Variants in PPM1D observed in about 807,000 individuals in gnomAD.
PPM1D encodes protein phosphatase, Mg2+/Mn2+ dependent 1D.
In PPM1D, 52 loss-of-function variants were observed where a neutral mutation model predicts 58.3. That is an observed-to-expected ratio of 0.89 (90% CI 0.71 to 1.12). The LOEUF (loss-of-function observed/expected upper bound fraction) is 1.12. Ranked by LOEUF, PPM1D falls within the 50% of genes most tolerant of loss-of-function variation. The pLI is 0.00. For synonymous variants in PPM1D, 278 were observed against 285.1 expected (o/e 0.98, Z 0.25); for missense variants, 564 against 777.2 (o/e 0.73, Z 3.26).
At chr17:60,655,308 T>G (rs530731178) in intron 4 of PPM1D, among the ~76,000 whole-genome samples, 1 of 151,198 alleles carries the variant, frequency 6.6e-6, no homozygotes, top group East Asian at 1.9e-4. Flanking sequence ...ATTGTCTTGT[T>G]TGTGAATTAT....
intron 3 of PPM1D, among the ~76,000 whole-genome samples, chr17:60,636,432 G>A (rs1475942279): frequency 6.6e-6 from 1 of 152,166 alleles, no homozygotes; most frequent in Non-Finnish European, 1.5e-5. Flanking sequence ...TACTTTCTAG[G>A]TTAGGGGAAA....
In PPM1D at chr17:60,639,184, C is replaced by T. The variant is rs573994366; in HGVS notation, c.826+5207C>T. 5.9e-5 allele frequency among the ~76,000 whole-genome samples: 9 copies of T among 152,098 alleles called. No individual in the cohort carries two copies. The South Asian group carries it at 6.2e-4, about 11-fold the overall frequency. On this transcript the variant is annotated intron_variant, in intron 3 of 5. Transcript: ENST00000305921. ...AGGCTGGAGTGCATTGGCACAATCT[C>T]GGCTCACTGTAACCTTTACTTCCCA...
intron 5 of PPM1D, chr17:60,657,161 G>C: frequency 9.6e-7 from 1 of 1,043,496 alleles, no homozygotes; most frequent in Non-Finnish European, 1.2e-6. Flanking sequence ...TCGTAGCCCA[G>C]AAGTAGAGCT....
chr17:60,632,609 C>T (rs1340857470), intron 2 of PPM1D, among the ~76,000 whole-genome samples: 1 of 152,076 alleles, frequency 6.6e-6, no homozygotes, highest in Non-Finnish European at 1.5e-5. Context: ...CCTGTAATCC[C>T]AGCACTTTGG....
intron 3 of PPM1D, among the ~76,000 whole-genome samples, chr17:60,636,819 G>T (rs2031031188): frequency 6.6e-6 from 1 of 151,954 alleles, no homozygotes. Flanking sequence ...GGGGCTACAG[G>T]TGCATGCCAT....
At chr17:60,621,247 T>C (rs184256652) in intron 1 of PPM1D, among the ~76,000 whole-genome samples, 121 of 152,330 alleles carry the variant, frequency 7.9e-4, no homozygotes, top group African/African-American at 2.5e-3. Context: ...AATGTATTTC[T>C]TACATTTCAG....
intron 3 of PPM1D, among the ~76,000 whole-genome samples, chr17:60,645,391 G>T (rs1449442499): frequency 6.6e-6 from 1 of 150,592 alleles, no homozygotes; most frequent in African/African-American, 2.4e-5. Flanking sequence ...TAGTGATTTG[G>T]AAGTTGTCAG....
At chr17:60,656,929 C>A (rs1435450014) in intron 5 of PPM1D, 88 bp downstream of exon 5, 1 of 1,602,480 alleles carries the variant, frequency 6.2e-7, no homozygotes, top group Non-Finnish European at 8.5e-7. Context: ...TAAATTCTTA[C>A]AGGATTTTGG....
In PPM1D at chr17:60,663,834, T is replaced by C. The variant is rs1261455177; in HGVS notation, c.*282T>C. 2.1e-5 allele frequency: 6 copies of C among 282,638 alleles called. No individual in the cohort carries two copies. Among genetic ancestry groups the C allele is most frequent in the Middle Eastern group, 1.1e-3 (1 of 872 alleles). 17.5% of individuals were successfully genotyped at this position (282,638 alleles called of 1,614,324 possible). ...ATTCAGAGTCTCTGATACACAGTAA[T>C]TGTGACAATAGGGCTAAATGTTTAA... is the stretch of plus-strand genomic sequence containing the variant. On this transcript the variant is annotated 3_prime_UTR_variant, in exon 6 of 6. Coordinates refer to ENST00000305921, the MANE Select transcript of PPM1D (RefSeq NM_003620.4).
At chr17:60,642,290 T>C (rs2031149116) in intron 3 of PPM1D, among the ~76,000 whole-genome samples, 1 of 150,758 alleles carries the variant, frequency 6.6e-6, no homozygotes, top group Non-Finnish European at 1.5e-5. Flanking sequence ...TTAAAAAATA[T>C]TGAATAAAAA....
chr17:60,656,285 C>T (rs1173461456), intron 4 of PPM1D, among the ~76,000 whole-genome samples: 1 of 150,672 alleles, frequency 6.6e-6, no homozygotes, highest in Non-Finnish European at 1.5e-5. Flanking sequence ...AATCCCGTCT[C>T]TACTAAAAAT....
intron 2 of PPM1D, among the ~76,000 whole-genome samples, chr17:60,624,999 GGGCGT>G (rs2030777711): frequency 6.6e-6 from 1 of 151,798 alleles, no homozygotes; most frequent in African/African-American, 2.4e-5. Context: ...GAAATTAGCC[GGGCGT>G]GGCAGCGTGC....
rs2143734056 is a variant in PPM1D at position 60,663,626 on chromosome 17, AC to A, written c.*75del. The A allele has an allele frequency of 6.8e-7, 1 of 1,465,332 alleles. No homozygotes were observed. Among genetic ancestry groups the A allele is most frequent in the East Asian group, 2.3e-5 (1 of 43,514 alleles). 90.8% of individuals were successfully genotyped at this position (1,465,332 alleles called of 1,614,324 possible). On this transcript the variant is annotated 3_prime_UTR_variant, in exon 6 of 6. Transcript: ENST00000305921. The stretch of plus-strand genomic sequence containing the variant: ...TTTTTAAATTTGGTGCCGATGTTGA[AC>A]TTTTTTTAAGGGGAGAAAATTAAAA...
At chr17:60,604,222 A>G (rs942742694) in intron 1 of PPM1D, among the ~76,000 whole-genome samples, 2 of 152,252 alleles carry the variant, frequency 1.3e-5, no homozygotes, top group Non-Finnish European at 2.9e-5. Context: ...TCTCATCAGA[A>G]AACTCTTTAA....
intron 5 of PPM1D, among the ~76,000 whole-genome samples, chr17:60,660,715 C>T (rs960145323): frequency 2.0e-5 from 3 of 150,784 alleles, no homozygotes; most frequent in African/African-American, 4.9e-5. Context: ...GAACAGAGAT[C>T]GCGCCACTGC....
In PPM1D at chr17:60,636,967, A is replaced by ATT. The variant is rs5821296; in HGVS notation, c.826+3008_826+3009dup. Among the ~76,000 whole-genome samples the ATT allele has an allele frequency of 7.7e-3, 1,042 of 135,276 alleles. 12 individuals carry two copies. The highest frequency in any genetic ancestry group is 0.016 in the Middle Eastern group (4 of 250). The allele number at this position is 135,276 out of a possible 152,430, so 88.7% of individuals were successfully genotyped here. On this transcript the variant is annotated intron_variant, in intron 3 of 5. Transcript: ENST00000305921. The stretch of plus-strand genomic sequence containing the variant: ...TGCGACAGCGCTCAGCCTACTCATG[A>ATT]TTTTTTTTTTTTTTTTTTTAGACAG...
intron 4 of PPM1D, among the ~76,000 whole-genome samples, chr17:60,653,068 G>C (rs965529732): frequency 6.6e-6 from 1 of 151,990 alleles, no homozygotes; most frequent in Non-Finnish European, 1.5e-5. Flanking sequence ...AAAATTATTT[G>C]CCCAGAACAG....
chr17:60,657,750 TG>T (rs2031465343), intron 5 of PPM1D, among the ~76,000 whole-genome samples: 1 of 152,216 alleles, frequency 6.6e-6, no homozygotes, highest in Non-Finnish European at 1.5e-5. Flanking sequence ...TTCTTTTTTT[TG>T]TTTTTGAGAC....
chr17:60,660,067 G>A (rs910640029), intron 5 of PPM1D, among the ~76,000 whole-genome samples: 1 of 152,214 alleles, frequency 6.6e-6, no homozygotes, highest in African/African-American at 2.4e-5. Context: ...TGGGTGTGGT[G>A]ACATGTGCCT....
Sources: gnomAD v4.1 joint callset for allele counts (sites outside exome capture counted in the v4.1 genomes callset) on GRCh38, gnomAD v4.1.1 for gene constraint, MANE v1.5 for transcripts, NCBI Gene and HGNC (gene_info 2026-07-23, HGNC 2026-07-21) for gene names.